Variants in IMMP2L observed in about 807,000 individuals in gnomAD.
IMMP2L encodes inner mitochondrial membrane peptidase subunit 2.
Under a neutral mutation model 19.3 loss-of-function variants are expected in IMMP2L, and 18 were observed. The observed-to-expected ratio is 0.93, with a 90% confidence interval of 0.64 to 1.38. IMMP2L has a LOEUF of 1.38. IMMP2L is among the 40% of genes most tolerant of loss of function. The pLI is 0.00. For missense variants in IMMP2L, 233 were observed against 218.2 expected (o/e 1.07, Z -0.43); for synonymous variants, 76 against 73.0 (o/e 1.04, Z -0.21).
chr7:111,549,981 C>T (rs1254243761), intron 1 of IMMP2L, among the ~76,000 whole-genome samples: 1 of 149,700 alleles, frequency 6.7e-6, no homozygotes, highest in African/African-American at 2.5e-5. Context: ...ATAAAAAGCA[C>T]AAGCTAATTC....
chr7:110,980,055 C>T (rs1183801323), intron 3 of IMMP2L, among the ~76,000 whole-genome samples: 2 of 151,956 alleles, frequency 1.3e-5, no homozygotes, highest in Admixed American at 1.3e-4. Context: ...TTTATACTTT[C>T]TGGCCTTGGT....
At chr7:110,901,135 A>G (rs893911154) in intron 4 of IMMP2L, among the ~76,000 whole-genome samples, 2 of 151,968 alleles carry the variant, frequency 1.3e-5, no homozygotes, top group African/African-American at 4.8e-5. Flanking sequence ...TCTTCAGCAT[A>G]CTTTTCTTCA....
chr7:111,504,866 A>G (rs946264746), intron 2 of IMMP2L, among the ~76,000 whole-genome samples: 1 of 151,924 alleles, frequency 6.6e-6, no homozygotes, highest in African/African-American at 2.4e-5. Flanking sequence ...AACCATAAAA[A>G]CCCTAGAAGA....
intron 4 of IMMP2L, among the ~76,000 whole-genome samples, chr7:110,903,570 G>A (rs940980001): frequency 1.3e-4 from 20 of 152,100 alleles, no homozygotes; most frequent in African/African-American, 3.4e-4. Context: ...GTTCATCCAC[G>A]TTGTTGCATA....
chr7:110,763,426 G>C (rs967919295), intron 5 of IMMP2L, among the ~76,000 whole-genome samples: 3 of 152,080 alleles, frequency 2.0e-5, no homozygotes, highest in African/African-American at 7.2e-5. Flanking sequence ...ACGGTGGGCA[G>C]TGTACTAGGG....
rs576190301 is a variant in IMMP2L, at chr7:111,079,496, A to C, written c.240-115931T>G. Among the ~76,000 whole-genome samples the C allele has an allele frequency of 2.6e-5, 4 of 152,304 alleles. No individual in the cohort carries two copies. The South Asian group carries it at 8.3e-4, about 32-fold the overall frequency. The stretch of plus-strand genomic sequence containing the variant: ...TATTTAAGTTCACTATATTTTAATC[A>C]TTCTTAGAATTTTATCTACCCTAGG... On this transcript the variant is annotated intron_variant, in intron 3 of 5. Transcript: ENST00000405709.
In IMMP2L at chr7:111,022,968, G is replaced by A. The variant is rs190912566; in HGVS notation, c.240-59403C>T. Among the ~76,000 whole-genome samples, 92 of 152,164 alleles carry A rather than the reference G, an allele frequency of 6.0e-4. 1 individual carries two copies. Among genetic ancestry groups the A allele is most frequent in the Middle Eastern group, 6.8e-3 (2 of 294 alleles). ...GCAACTCATTTCTGAGCCATGAACC[G>A]GACACAATACAAATTCACCTTTGCA... On this transcript the variant is annotated intron_variant, in intron 3 of 5. Coordinates refer to ENST00000405709, the MANE Select transcript of IMMP2L (RefSeq NM_032549.4).
At chr7:111,164,559 T>C (rs1476178530) in intron 3 of IMMP2L, among the ~76,000 whole-genome samples, 1 of 151,878 alleles carries the variant, frequency 6.6e-6, no homozygotes, top group Admixed American at 6.6e-5. Context: ...CAGCAAGACA[T>C]AAAGAGCCCA....
At chr7:111,466,443 C>A (rs948990485) in intron 3 of IMMP2L, among the ~76,000 whole-genome samples, 1 of 152,068 alleles carries the variant, frequency 6.6e-6, no homozygotes, top group Non-Finnish European at 1.5e-5. Context: ...AAATTATAAA[C>A]CATCTTTTTA....
chr7:111,334,237 C>T (rs1351644854), intron 3 of IMMP2L, among the ~76,000 whole-genome samples: 1 of 151,780 alleles, frequency 6.6e-6, no homozygotes, highest in Non-Finnish European at 1.5e-5. Flanking sequence ...CACTTCCCAG[C>T]CTCTGGTAAC....
chr7:110,883,056 C>T (rs1809854340), intron 5 of IMMP2L, among the ~76,000 whole-genome samples: 1 of 152,122 alleles, frequency 6.6e-6, no homozygotes, highest in South Asian at 2.1e-4. Context: ...TTCTCCTTTA[C>T]TTTTCACTGG....
chr7:111,359,132 A>T (rs1298611756), intron 3 of IMMP2L, among the ~76,000 whole-genome samples: 1 of 152,100 alleles, frequency 6.6e-6, no homozygotes, highest in Non-Finnish European at 1.5e-5. Context: ...ACACGGTGAG[A>T]CAGAGGCTGG....
At chr7:110,941,197 G>A (rs1195455681) in intron 4 of IMMP2L, among the ~76,000 whole-genome samples, 2 of 152,110 alleles carry the variant, frequency 1.3e-5, no homozygotes, top group South Asian at 2.1e-4. Context: ...AACCTACTGG[G>A]AGAAACATCC....
intron 5 of IMMP2L, among the ~76,000 whole-genome samples, chr7:110,671,313 T>C (rs1000579636): frequency 6.6e-5 from 10 of 152,242 alleles, no homozygotes; most frequent in African/African-American, 2.4e-4. Flanking sequence ...TAACAATCCA[T>C]AAAATCAAAT....
At chr7:111,531,287 CTT>C (rs146465082) in intron 1 of IMMP2L, among the ~76,000 whole-genome samples, 4 of 143,772 alleles carry the variant, frequency 2.8e-5, no homozygotes, top group African/African-American at 2.5e-5. Context: ...TAGTTGTTTT[CTT>C]TTTTTTTTTT....
At chr7:110,801,828 G>T (rs768612074) in intron 5 of IMMP2L, among the ~76,000 whole-genome samples, 4 of 152,066 alleles carry the variant, frequency 2.6e-5, no homozygotes, top group Non-Finnish European at 5.9e-5. Flanking sequence ...AACAGATATT[G>T]GGTTGGGTGA....
chr7:111,298,579 A>G (rs1040952591), intron 3 of IMMP2L, among the ~76,000 whole-genome samples: 2 of 151,942 alleles, frequency 1.3e-5, no homozygotes, highest in Non-Finnish European at 2.9e-5. Context: ...GTGAAACCCC[A>G]TCTCTACTAA....
chr7:110,731,014 A>G (rs1322945521), intron 5 of IMMP2L, among the ~76,000 whole-genome samples: 1 of 152,196 alleles, frequency 6.6e-6, no homozygotes, highest in African/African-American at 2.4e-5. Flanking sequence ...CACATGTTGC[A>G]GCTGATGGGC....
chr7:111,372,553 GA>G (rs2131120231), intron 3 of IMMP2L, among the ~76,000 whole-genome samples: 1 of 152,030 alleles, frequency 6.6e-6, no homozygotes, highest in Non-Finnish European at 1.5e-5. Flanking sequence ...AAGAGAGATG[GA>G]GCTGACTGCC....
Sources: gnomAD v4.1 joint callset for allele counts (sites outside exome capture counted in the v4.1 genomes callset) on GRCh38, gnomAD v4.1.1 for gene constraint, MANE v1.5 for transcripts, NCBI Gene and HGNC (gene_info 2026-07-23, HGNC 2026-07-21) for gene names.